SRRM3: variants seen among roughly 807,000 people sequenced by gnomAD.
SRRM3 encodes the protein serine/arginine repetitive matrix 3.
In SRRM3, 27 loss-of-function variants were observed where a neutral mutation model predicts 66.2. The observed-to-expected ratio is 0.41, with a 90% CI of 0.30 to 0.56. SRRM3 has a LOEUF of 0.56. Ranked by LOEUF, SRRM3 falls within the 20% of genes least tolerant of loss-of-function variation. The pLI, the probability that SRRM3 is intolerant of heterozygous loss-of-function variation, is 0.32. For missense variants in SRRM3, 918 were observed against 991.9 expected (o/e 0.93, Z 1.00); for synonymous variants, 391 against 414.9 (o/e 0.94, Z 0.70).
chr7:76,221,380 T>TTTTTTTTTTTTTTTTTTTTTTTTGG, intron 1 of SRRM3, among the ~76,000 whole-genome samples: 1 of 132,752 alleles, frequency 7.5e-6, no homozygotes, highest in South Asian at 2.5e-4. Flanking sequence ...TTTTTTTTTT[T>TTTTTTTTTTTTTTTTTTTTTTTTGG]GAGACGGAGT....
intron 1 of SRRM3, among the ~76,000 whole-genome samples, chr7:76,215,311 G>A (rs1800532317): frequency 6.6e-6 from 1 of 150,416 alleles, no homozygotes; most frequent in Admixed American, 6.6e-5. Flanking sequence ...ATGGGAGTGT[G>A]CATTTGTCTT....
At chr7:76,271,362 A>T (rs1554610519) in intron 11 of SRRM3, among the ~76,000 whole-genome samples, 1 of 152,142 alleles carries the variant, frequency 6.6e-6, no homozygotes, top group East Asian at 1.9e-4. Flanking sequence ...CTATAGTCTC[A>T]TCTACTGAGG....
intron 1 of SRRM3, among the ~76,000 whole-genome samples, chr7:76,211,856 TA>T (rs1800441808): frequency 6.9e-6 from 1 of 144,212 alleles, no homozygotes; most frequent in Non-Finnish European, 1.5e-5. Flanking sequence ...TTATTATTAT[TA>T]GAGACTAGGT....
intron 11 of SRRM3, chr7:76,269,509 T>G (rs1371483782): frequency 1.3e-5 from 2 of 150,938 alleles, no homozygotes; most frequent in East Asian, 1.9e-4. Context: ...GAAAAAATAC[T>G]GGGGGTGGTA....
intron 1 of SRRM3, among the ~76,000 whole-genome samples, chr7:76,221,861 G>A (rs1288947401): frequency 6.6e-6 from 1 of 152,186 alleles, no homozygotes; most frequent in Non-Finnish European, 1.5e-5. Context: ...GATTGGCATA[G>A]TTCATGGCTG....
At chr7:76,223,025 T>A (rs901481877) in intron 1 of SRRM3, among the ~76,000 whole-genome samples, 6 of 152,204 alleles carry the variant, frequency 3.9e-5, no homozygotes, top group African/African-American at 1.4e-4. Flanking sequence ...CTCCTACTTA[T>A]GCTTCAAGAT....
Position 76,224,813 on chromosome 7 carries a change from A to T in SRRM3, c.-39-10215A>T, listed in dbSNP as rs1244257825. On this transcript the variant is annotated intron_variant, in intron 1 of 14. Transcript: ENST00000611745. ...GGGAGACTCACATTTATTCATTAAGATTAGTTAACAAAAGCTTGAGTCAGC... is the reference window on the plus strand; with the variant it reads ...GGGAGACTCACATTTATTCATTAAGTTTAGTTAACAAAAGCTTGAGTCAGC... Among the ~76,000 whole-genome samples the T allele has an allele frequency of 2.6e-5, 4 of 152,148 alleles. 1 individual carries two copies. In the South Asian group the frequency reaches 6.2e-4, roughly 24 times the overall value.
At chr7:76,228,990 C>G (rs1554604013) in intron 1 of SRRM3, among the ~76,000 whole-genome samples, 3 of 151,716 alleles carry the variant, frequency 2.0e-5, no homozygotes, top group African/African-American at 7.3e-5. Context: ...GCTCTGCCCC[C>G]TGGGTTCACG....
intron 1 of SRRM3, among the ~76,000 whole-genome samples, chr7:76,205,475 G>A (rs1041900441): frequency 6.6e-6 from 1 of 152,226 alleles, no homozygotes; most frequent in African/African-American, 2.4e-5. Flanking sequence ...CTCCCCAAGT[G>A]TTAGGATTAC....
intron 3 of SRRM3, among the ~76,000 whole-genome samples, chr7:76,250,765 A>C (rs1322581335): frequency 6.6e-6 from 1 of 152,136 alleles, no homozygotes; most frequent in African/African-American, 2.4e-5. Context: ...AATAAATAAG[A>C]CTAATACATG....
At chr7:76,263,740 G>T (rs1203121173) in intron 8 of SRRM3, among the ~76,000 whole-genome samples, 1 of 151,900 alleles carries the variant, frequency 6.6e-6, no homozygotes, top group Non-Finnish European at 1.5e-5. Context: ...AGACGTGGTG[G>T]CAGGCTACTG....
intron 2 of SRRM3, 56 bp downstream of exon 2, chr7:76,235,355 A>G (rs1801118760): frequency 7.2e-7 from 1 of 1,379,932 alleles, no homozygotes; most frequent in Non-Finnish European, 9.6e-7. Flanking sequence ...CGAGGGTGGG[A>G]GAAGCGAGTG....
intron 3 of SRRM3, among the ~76,000 whole-genome samples, chr7:76,255,148 C>CTTTCTT (rs1447372520): frequency 1.4e-4 from 12 of 83,172 alleles, no homozygotes; most frequent in African/African-American, 7.6e-4. Context: ...TTCTTTCTTT[C>CTTTCTT]TTTTTTTTTT....
At chr7:76,239,328 C>G (rs1205095477) in intron 2 of SRRM3, among the ~76,000 whole-genome samples, 2 of 152,154 alleles carry the variant, frequency 1.3e-5, no homozygotes, top group African/African-American at 4.8e-5. Flanking sequence ...ACCACCGCAC[C>G]CAGCCTAGGC....
chr7:76,275,576 T>C (rs1458803971), intron 11 of SRRM3, among the ~76,000 whole-genome samples: 2 of 151,080 alleles, frequency 1.3e-5, no homozygotes, highest in Non-Finnish European at 2.9e-5. Context: ...TGAAGCCCCA[T>C]GAGGAAGAGG....
chr7:76,247,974 C>T (rs781802660), intron 2 of SRRM3, among the ~76,000 whole-genome samples: 5 of 152,176 alleles, frequency 3.3e-5, no homozygotes, highest in African/African-American at 1.2e-4. Context: ...GGATTACAGG[C>T]GAGAGCCACT....
At chr7:76,242,790 A>G (rs1801341863) in intron 2 of SRRM3, among the ~76,000 whole-genome samples, 2 of 152,008 alleles carry the variant, frequency 1.3e-5, no homozygotes, top group African/African-American at 2.4e-5. Flanking sequence ...CAGGGTTCCC[A>G]CTCCTATGAG....
chr7:76,221,504 A>G (rs1387512587), intron 1 of SRRM3, among the ~76,000 whole-genome samples: 1 of 151,696 alleles, frequency 6.6e-6, no homozygotes, highest in Non-Finnish European at 1.5e-5. Flanking sequence ...CTGGGACTAC[A>G]GGCGCCCACC....
At chr7:76,278,980 C>G (rs782486651) in intron 11 of SRRM3, among the ~76,000 whole-genome samples, 3 of 152,110 alleles carry the variant, frequency 2.0e-5, no homozygotes, top group African/African-American at 7.2e-5. Flanking sequence ...TGGCCGGGCT[C>G]GGTGGCTCTC....
Sources: gnomAD v4.1 joint callset for allele counts (sites outside exome capture counted in the v4.1 genomes callset) on GRCh38, gnomAD v4.1.1 for gene constraint, MANE v1.5 for transcripts, NCBI Gene and HGNC (gene_info 2026-07-23, HGNC 2026-07-21) for gene names.